Variants in DIS3L observed in about 807,000 individuals in gnomAD.
DIS3L encodes the protein DIS3 like exosome 3'-5' exoribonuclease, also known as DIS3-like exonuclease 1.
DIS3L carries 100 observed loss-of-function variants against 120.3 expected under a neutral mutation model. The ratio of observed to expected loss-of-function variants is 0.83; its 90% CI spans 0.71 to 0.98. The LOEUF (loss-of-function observed/expected upper bound fraction) is 0.98, where lower values mean the gene tolerates loss of function less well. Ranked by LOEUF, DIS3L falls within the 50% of genes least tolerant of loss-of-function variation. The pLI is 0.00. For synonymous variants in DIS3L, 426 were observed against 470.6 expected, an observed-to-expected ratio of 0.91 and a Z score of 1.23; for missense variants, 1,196 against 1,314.2, an observed-to-expected ratio of 0.91 and a Z score of 1.39.
Position 66,293,594 on chromosome 15 carries a change from G to T in DIS3L, c.-3G>T, listed in dbSNP as rs1365812862. The T allele has an allele frequency of 5.6e-6, 8 of 1,433,356 alleles. No individual in the cohort carries two copies. The highest frequency in any genetic ancestry group is 5.3e-5 in the South Asian group (4 of 75,658). The allele number at this position is 1,433,356 out of a possible 1,614,324, so 88.8% of individuals were successfully genotyped here. A position where few individuals can be genotyped will look rare whatever the true frequency, so the allele number is the denominator to read the frequency against. On this transcript the variant is annotated 5_prime_UTR_variant, in exon 1 of 17. Coordinates refer to ENST00000319212, the MANE Select transcript of DIS3L (RefSeq NM_001143688.3). ...CTCCGCGGCCGCCGGGAGACACGCC[G>T]CCATGCTGCAGAAGCGGGAGAAGGT...
At chr15:66,319,633 A>G (rs1244800392) in intron 8 of DIS3L, among the ~76,000 whole-genome samples, 1 of 152,224 alleles carries the variant, frequency 6.6e-6, no homozygotes, top group Non-Finnish European at 1.5e-5. Flanking sequence ...TTTGTAAATG[A>G]GACACTAAAG....
chr15:66,312,563 C>A (rs2092773235), intron 5 of DIS3L, among the ~76,000 whole-genome samples: 1 of 152,160 alleles, frequency 6.6e-6, no homozygotes. Context: ...TAGCTTCTTT[C>A]CTCCTTTGCC....
At chr15:66,325,742 CAG>C in intron 11 of DIS3L, 87 bp from the exon 12 acceptor site, 1 of 1,442,034 alleles carries the variant, frequency 6.9e-7, no homozygotes, top group Non-Finnish European at 9.3e-7. Context: ...GCCTGGGTGA[CAG>C]AGCAAGATCC....
chr15:66,300,777 G>A (rs1249019217), intron 2 of DIS3L, among the ~76,000 whole-genome samples: 1 of 152,124 alleles, frequency 6.6e-6, no homozygotes, highest in Non-Finnish European at 1.5e-5. Flanking sequence ...GGGAGTCAAG[G>A]TCGAGAGTTT....
At position 66,293,752 on chromosome 15, in the gene DIS3L, G is replaced by A. The variant is rs1273383845; in HGVS notation, c.139+17G>A. The stretch of plus-strand genomic sequence containing the variant: ...GCAGCCACGGTCAGGGCCGGGGCGG[G>A]GGCGGGGACGGGGCCGGCGGGAGCG... On this transcript the variant is annotated intron_variant, in intron 1 of 16. Transcript: ENST00000319212. The A allele has an allele frequency of 3.4e-6, 4 of 1,188,192 alleles. No individual in the cohort carries two copies. In the East Asian group the frequency reaches 1.5e-4, roughly 44 times the overall value. The allele number at this position is 1,188,192 out of a possible 1,614,324, so 73.6% of individuals were successfully genotyped here. A position where few individuals can be genotyped will look rare whatever the true frequency, so the allele number is the denominator to read the frequency against.
chr15:66,322,626 G>A, intron 9 of DIS3L, 61 bp from the exon 10 acceptor site: 2 of 1,595,844 alleles, frequency 1.3e-6, no homozygotes, highest in Non-Finnish European at 1.7e-6. Context: ...GAATATTAGT[G>A]AGTGGATTTT....
rs752996271 is a variant in DIS3L at position 66,308,816 on chromosome 15, C to G, written c.530C>G (p.Thr177Arg). The G allele has an allele frequency of 6.2e-7, 1 of 1,613,178 alleles. No individual in the cohort carries two copies. Among genetic ancestry groups the G allele is most frequent in the South Asian group, 1.1e-5 (1 of 90,976 alleles). ...EEAIQQYGSETEGVFVITFKN... is the reference protein window; with the variant it reads ...EEAIQQYGSEREGVFVITFKN... ...GCAATTCAGCAGTATGGAAGTGAAA[C>G]AGAAGGAGTATTCGTGATTACTTTC... The change falls in exon 4 of 17, where the codon ACA (threonine) becomes AGA (arginine). Residue 177 changes from threonine to arginine, a missense_variant. Physicochemically the swap from Thr to Arg is moderately conservative, Grantham distance 71. Coordinates refer to ENST00000319212, the MANE Select transcript of DIS3L (RefSeq NM_001143688.3).
rs1244058186 is a variant in DIS3L at position 66,306,826 on chromosome 15, A to G, written c.296A>G (p.Gln99Arg). 3 of 1,614,008 alleles carry G rather than the reference A, an allele frequency of 1.9e-6. No individual in the cohort carries two copies. Among genetic ancestry groups the G allele is most frequent in the Admixed American group, 1.7e-5 (1 of 59,994 alleles). ...QAVQHQRGRR[Q>R]YNKLRNLLKD... ...TATTTTTCTCCTCCGTGTCACAGAC[A>G]GTATAACAAACTGCGAAACCTGCTG... is the stretch of plus-strand genomic sequence containing the variant. The change falls in exon 3 of 17, where the codon CAG (glutamine) becomes CGG (arginine). Residue 99 changes from glutamine to arginine, a missense_variant and splice_region_variant. Physicochemically the swap from Gln to Arg is conservative, Grantham distance 43 (BLOSUM62 1). Coordinates refer to ENST00000319212, the MANE Select transcript of DIS3L (RefSeq NM_001143688.3).
In DIS3L at chr15:66,332,853, T is replaced by G; in HGVS notation, c.2799T>G (p.Ile933Met). The G allele has an allele frequency of 6.2e-7, 1 of 1,614,032 alleles. No homozygotes were observed. Among genetic ancestry groups the G allele is most frequent in the Non-Finnish European group, 8.5e-7 (1 of 1,179,976 alleles). The change falls in exon 16 of 17, where the codon ATT becomes ATG. Residue 933 changes from isoleucine to methionine, a missense_variant. Physicochemically the swap from Ile to Met is conservative, Grantham distance 10. Coordinates refer to ENST00000319212, the MANE Select transcript of DIS3L (RefSeq NM_001143688.3). ...PGSLQRFQNK[I>M]TSTTTDGESV... Reference sequence around the variant, plus strand: ...CCCTTCAACGATTTCAAAACAAAATTACCTCTACTACAACAGATGGGGAAT... The same window carrying G: ...CCCTTCAACGATTTCAAAACAAAATGACCTCTACTACAACAGATGGGGAAT...
At position 66,311,872 on chromosome 15, in the gene DIS3L, C is replaced by T. The variant is rs958046776; in HGVS notation, c.707C>T (p.Ala236Val). 6.8e-6 allele frequency: 11 copies of T among 1,614,036 alleles called. No individual in the cohort carries two copies. Among genetic ancestry groups the T allele is most frequent in the Non-Finnish European group, 8.5e-6 (10 of 1,179,984 alleles). ...CATCTTCCCCTGGAAGTGTTAGAAG[C>T]TGGGATTAAATCTGGACGCTATATC... ...PEHLPLEVLE[A>V]GIKSGRYIQG... is the part of the protein sequence containing the mutation. The change falls in exon 5 of 17, where the codon GCT becomes GTT. Residue 236 changes from alanine to valine, a missense_variant. Coordinates refer to ENST00000319212, the MANE Select transcript of DIS3L (RefSeq NM_001143688.3).
At chr15:66,316,673 G>A (rs374013145) in intron 7 of DIS3L, among the ~76,000 whole-genome samples, 21 of 152,184 alleles carry the variant, frequency 1.4e-4, no homozygotes, top group Admixed American at 3.9e-4. Context: ...AAACTTAGCC[G>A]GGCGAGGTGG....
chr15:66,316,981 G>C (rs1373247876), intron 7 of DIS3L, among the ~76,000 whole-genome samples: 1 of 152,110 alleles, frequency 6.6e-6, no homozygotes, highest in Non-Finnish European at 1.5e-5. Context: ...TCCTCTTCAT[G>C]CTTTGCTCCA....
Position 66,325,827 on chromosome 15 carries a change from G to A in DIS3L, c.1668-4G>A, listed in dbSNP as rs764476133. ...TGATGTTGTCAATGTTACTGTTTTT[G>A]TAGGTATGCTGTAAGCATCATGTGG... is the stretch of plus-strand genomic sequence containing the variant. On this transcript the variant is annotated splice_region_variant and splice_polypyrimidine_tract_variant and intron_variant, in intron 11 of 16. Transcript: ENST00000319212. 1.8e-5 allele frequency: 28 copies of A among 1,578,976 alleles called. No individual in the cohort carries two copies. In the East Asian group the frequency reaches 4.7e-4, roughly 27 times the overall value.
In DIS3L at chr15:66,323,392, T is replaced by C. The variant is rs1192925503; in HGVS notation, c.1575-101T>C. 4.6e-6 allele frequency: 5 copies of C among 1,097,474 alleles called. No individual in the cohort carries two copies. In the African/African-American group the frequency reaches 4.6e-5, roughly 10 times the overall value. 68.0% of individuals were successfully genotyped at this position (1,097,474 alleles called of 1,614,324 possible). A position where few individuals can be genotyped will look rare whatever the true frequency, so the allele number is the denominator to read the frequency against. ...GAAACAGCAACAGCCTTGGGGAATC[T>C]GTAGTGAGATTTTGGCCATTTACCT... On this transcript the variant is annotated intron_variant, in intron 10 of 16. Transcript: ENST00000319212.
At position 66,333,095 on chromosome 15, in the gene DIS3L, AACTT is replaced by A. The variant is rs1200239124; in HGVS notation, c.2950_2953del (p.Leu984PhefsTer8). 2 of 1,613,454 alleles carry A rather than the reference AACTT, an allele frequency of 1.2e-6. No homozygotes were observed. Among genetic ancestry groups the A allele is most frequent in the Admixed American group, 1.7e-5 (1 of 60,004 alleles). ...AAACCATACAAGATACCAAATACAG[AACTT>A]ATTCATCAGAGTTCCCCCTTGCTGA... On this transcript the variant is annotated frameshift_variant, in exon 17 of 17. Transcript: ENST00000319212. LOFTEE classifies it high-confidence loss of function.
chr15:66,304,849 C>T (rs1461008110), intron 2 of DIS3L, among the ~76,000 whole-genome samples: 9 of 139,708 alleles, frequency 6.4e-5, no homozygotes, highest in Admixed American at 1.5e-4. Context: ...TGCAGTGAGC[C>T]GAGATCGTGC....
At position 66,293,680 on chromosome 15, in the gene DIS3L, G is replaced by C; in HGVS notation, c.84G>C (p.Arg28=). Reference sequence around the variant, plus strand: ...GGATCGTGCGCGAGCACTACCTGCGGCCCTGCGTGCCCTGCCACAGCCCGC... The same window carrying C: ...GGATCGTGCGCGAGCACTACCTGCGCCCCTGCGTGCCCTGCCACAGCCCGC... ...TLRIVREHYL[R]PCVPCHSPLC... is the part of the protein sequence containing the mutation. The change falls in exon 1 of 17, where the codon CGG becomes CGC. Residue 28 remains arginine, a synonymous_variant. Coordinates refer to ENST00000319212, the MANE Select transcript of DIS3L (RefSeq NM_001143688.3). 1 of 1,402,334 alleles carries C rather than the reference G, an allele frequency of 7.1e-7. No individual in the cohort carries two copies. Among genetic ancestry groups the C allele is most frequent in the South Asian group, 1.4e-5 (1 of 69,770 alleles). 86.9% of individuals were successfully genotyped at this position (1,402,334 alleles called of 1,614,324 possible).
In DIS3L at chr15:66,315,078, A is replaced by T; in HGVS notation, c.857A>T (p.Asn286Ile). ...DILIHGMKARNRSIHGDVVVV... is the reference protein window; with the variant it reads ...DILIHGMKARIRSIHGDVVVV... ...CTAATCCACGGGATGAAGGCTCGAA[A>T]CCGCTCAATTCATGGAGATGTGGTA... The change falls in exon 7 of 17, where the codon AAC (asparagine) becomes ATC (isoleucine). Residue 286 changes from asparagine to isoleucine, a missense_variant. By Grantham distance (149) the Asn-to-Ile change is moderately radical. Transcript: ENST00000319212. 3 of 1,614,146 alleles carry T rather than the reference A, an allele frequency of 1.9e-6. No individual in the cohort carries two copies. The highest frequency in any genetic ancestry group is 2.5e-6 in the Non-Finnish European group (3 of 1,180,004).
Position 66,329,080 on chromosome 15 carries a change from ACTT to A in DIS3L, c.2315_2317del (p.Phe772del). 1 of 1,614,192 alleles carries A rather than the reference ACTT, an allele frequency of 6.2e-7. No homozygotes were observed. The highest frequency in any genetic ancestry group is 8.5e-7 in the Non-Finnish European group (1 of 1,180,018). On this transcript the variant is annotated inframe_deletion, in exon 13 of 17. Transcript: ENST00000319212. The stretch of plus-strand genomic sequence containing the variant: ...ACGCAGGCCATGTCGAATGCTCTGT[ACTT>A]CTCCACCGGATCCTGTGCGGAGGAG...
Sources: allele counts gnomAD v4.1 joint callset (sites outside exome capture counted in the v4.1 genomes callset), GRCh38; gene constraint gnomAD v4.1.1; transcripts MANE v1.5; gene names NCBI Gene and HGNC (gene_info 2026-07-23, HGNC 2026-07-21).